Variants in PLEKHH1 observed in about 807,000 individuals in gnomAD.
PLEKHH1 encodes the protein pleckstrin homology domain-containing family H member 1.
In PLEKHH1, 104 loss-of-function variants were observed where a neutral mutation model predicts 160.0. The observed-to-expected ratio is 0.65, with a 90% CI of 0.55 to 0.76. The LOEUF (loss-of-function observed/expected upper bound fraction) is 0.76, where lower values mean the gene tolerates loss of function less well. PLEKHH1 is among the 30% of genes least tolerant of loss of function. The pLI is 0.00. For synonymous variants in PLEKHH1, 619 were observed against 678.4 expected (o/e 0.91, Z 1.36); for missense variants, 1,427 against 1,724.1 (o/e 0.83, Z 3.05).
intron 2 of PLEKHH1, among the ~76,000 whole-genome samples, chr14:67,553,968 G>A (rs2034495552): frequency 6.6e-6 from 1 of 152,174 alleles, no homozygotes; most frequent in African/African-American, 2.4e-5. Context: ...CCTGTCAGAG[G>A]GGGCCCTATC....
chr14:67,557,137 A>T (rs1171110391), intron 3 of PLEKHH1, 132 bp from the exon 4 acceptor site: 2 of 656,066 alleles, frequency 3.0e-6, no homozygotes, highest in African/African-American at 3.7e-5. Context: ...ATTGGCTCAG[A>T]CTGCCCTGGG....
intron 9 of PLEKHH1, chr14:67,571,149 A>G (rs1332985739): frequency 6.5e-6 from 1 of 152,776 alleles, no homozygotes; most frequent in African/African-American, 2.4e-5. Flanking sequence ...GAATGTTGCC[A>G]TGAACATCAC....
chr14:67,536,009 T>A (rs890470833), intron 1 of PLEKHH1, among the ~76,000 whole-genome samples: 1 of 152,228 alleles, frequency 6.6e-6, no homozygotes, highest in Non-Finnish European at 1.5e-5. Flanking sequence ...GATTATTTAG[T>A]GCCTGAGCTC....
chr14:67,560,089 CA>C (rs1168600103), intron 5 of PLEKHH1, among the ~76,000 whole-genome samples: 2 of 152,172 alleles, frequency 1.3e-5, no homozygotes, highest in Non-Finnish European at 2.9e-5. Context: ...TGTAGTGGCG[CA>C]ATCTCGGCTT....
rs754449846 is a variant in PLEKHH1 at position 67,587,139 on chromosome 14, C to T, written c.3999C>T (p.Pro1333=). ...MNHCTTTVNP[P]TNPPGACQLW... is the part of the protein sequence containing the mutation. Reference sequence around the variant, plus strand: ...ATTGCACTACAACTGTGAACCCCCCCACCAACCCACCCGGAGCCTGCCAGC... The same window carrying T: ...ATTGCACTACAACTGTGAACCCCCCTACCAACCCACCCGGAGCCTGCCAGC... The change falls in exon 29 of 29, where the codon CCC becomes CCT. Residue 1333 remains proline, a synonymous_variant. Transcript: ENST00000329153. 1.9e-6 allele frequency: 3 copies of T among 1,613,856 alleles called. No homozygotes were observed. Among genetic ancestry groups the T allele is most frequent in the South Asian group, 2.2e-5 (2 of 91,088 alleles).
intron 9 of PLEKHH1, chr14:67,570,725 C>T (rs2035331238): frequency 6.6e-6 from 1 of 152,176 alleles, no homozygotes; most frequent in African/African-American, 2.4e-5. Flanking sequence ...TTCCCTACCT[C>T]CTCCTTTTTA....
Position 67,573,526 on chromosome 14 carries a change from T to C in PLEKHH1, c.1839+140T>C. 1 of 658,502 alleles carries C rather than the reference T, an allele frequency of 1.5e-6. No individual in the cohort carries two copies. The highest frequency in any genetic ancestry group is 2.7e-5 in the East Asian group (1 of 36,852). 40.8% of individuals were successfully genotyped at this position (658,502 alleles called of 1,614,324 possible). On this transcript the variant is annotated intron_variant, in intron 12 of 28. Coordinates refer to ENST00000329153, the MANE Select transcript of PLEKHH1 (RefSeq NM_020715.3). The surrounding 1 kb of genome is among the most constrained non-coding windows in gnomAD (Gnocchi z 4.8). ...GGCAGGTGGGGAGAGGCAACCTCAC[T>C]GGGCCCCTGAGGCTTTGAGCCACAC...
rs367722684 is a variant in PLEKHH1, at chr14:67,584,132, C to T, written c.3699+8C>T. On this transcript the variant is annotated splice_region_variant and intron_variant, in intron 26 of 28. Coordinates refer to ENST00000329153, the MANE Select transcript of PLEKHH1 (RefSeq NM_020715.3). The stretch of plus-strand genomic sequence containing the variant: ...AAACTTTTTGCTGCTCAGGTAAGTG[C>T]CAGTGGAAGGAGCTGCCCACACCCT... 5 of 1,611,912 alleles carry T rather than the reference C, an allele frequency of 3.1e-6. No individual in the cohort carries two copies. Among genetic ancestry groups the T allele is most frequent in the African/African-American group, 1.3e-5 (1 of 74,880 alleles).
chr14:67,556,391 C>T (rs567620513), intron 3 of PLEKHH1, among the ~76,000 whole-genome samples: 1 of 152,348 alleles, frequency 6.6e-6, no homozygotes, highest in East Asian at 1.9e-4. Context: ...CTACCTCAGC[C>T]TCCCAAAGTG....
At chr14:67,557,834 C>A (rs1195928698) in intron 4 of PLEKHH1, among the ~76,000 whole-genome samples, 2 of 152,232 alleles carry the variant, frequency 1.3e-5, no homozygotes, top group African/African-American at 4.8e-5. Context: ...GTAAGGAGAA[C>A]TTTTCTTTCT....
intron 5 of PLEKHH1, among the ~76,000 whole-genome samples, chr14:67,561,572 A>C (rs1208301225): frequency 6.6e-6 from 1 of 152,064 alleles, no homozygotes; most frequent in African/African-American, 2.4e-5. Flanking sequence ...TCAGAAAAGA[A>C]AAGAATATGC....
Position 67,543,703 on chromosome 14 carries a change from A to G in PLEKHH1, c.126+1710A>G, listed in dbSNP as rs144629296. ...AAAAGGAAGGAAAGGATAAGTAGGG[A>G]TTGACTCAGCCAGGCAGTCTGAGAT... On this transcript the variant is annotated intron_variant, in intron 2 of 28. Transcript: ENST00000329153. Among the ~76,000 whole-genome samples the G allele has an allele frequency of 8.3e-3, 1,266 of 152,128 alleles. 28 individuals are homozygous for G. Among genetic ancestry groups the G allele is most frequent in the African/African-American group, 0.029 (1,213 of 41,474 alleles).
chr14:67,572,419 G>T (rs1163885491), intron 11 of PLEKHH1, 142 bp downstream of exon 11: 2 of 645,840 alleles, frequency 3.1e-6, no homozygotes, highest in Non-Finnish European at 5.3e-6. Flanking sequence ...GCGTGGGCTG[G>T]GGGGGTGTAC....
chr14:67,548,934 T>C (rs11158684), intron 2 of PLEKHH1, among the ~76,000 whole-genome samples: 93,288 of 152,044 alleles, frequency 0.61, 29,019 homozygotes, highest in Non-Finnish European at 0.65. Context: ...TGGTTCTGTT[T>C]ACTCCCCTTA....
At position 67,573,843 on chromosome 14, in the gene PLEKHH1, T is replaced by C. The variant is rs754442932; in HGVS notation, c.1882T>C (p.Ser628Pro). 1 of 1,613,740 alleles carries C rather than the reference T, an allele frequency of 6.2e-7. No individual in the cohort carries two copies. The highest frequency in any genetic ancestry group is 1.1e-5 in the South Asian group (1 of 91,072). ...ACCTCAAGGCCAAGTGGATCTGAAC[T>C]CCCGCTGCCAAATTGTTCGAGGGGA... ...RKPQGQVDLN[S>P]RCQIVRGEGS... Residue 628 changes from serine to proline, a missense_variant, in exon 13 of 29, where the codon TCC (serine) becomes CCC (proline). By Grantham distance (74) the Ser-to-Pro change is moderately conservative. This residue lies in a region of PLEKHH1 where 831 missense variants were observed against 929.2 expected (regional missense o/e 0.89). Coordinates refer to ENST00000329153, the MANE Select transcript of PLEKHH1 (RefSeq NM_020715.3). This position sits in a 1 kb window ranked among gnomAD's most constrained non-coding sequence, Gnocchi z 4.8.
rs770246652 is a variant in PLEKHH1, at chr14:67,584,125, G to GT, written c.3699+2dup. ...TGGTGCTAAACTTTTTGCTGCTCAG[G>GT]TAAGTGCCAGTGGAAGGAGCTGCCC... On this transcript the variant is annotated splice_donor_variant, in intron 26 of 28. Transcript: ENST00000329153. LOFTEE classifies it high-confidence loss of function. 6.2e-7 allele frequency: 1 copy of GT among 1,612,658 alleles called. No individual in the cohort carries two copies. Among genetic ancestry groups the GT allele is most frequent in the South Asian group, 1.1e-5 (1 of 91,036 alleles).
chr14:67,582,426 A>G lies in PLEKHH1; in HGVS notation c.3426+216A>G, dbSNP rs151298783. Reference sequence around the variant, plus strand: ...GTGCAGATGGCTGGACTTGGAATCCAGAGACCTGGGTTTGAGTCCTATATA... The same window carrying G: ...GTGCAGATGGCTGGACTTGGAATCCGGAGACCTGGGTTTGAGTCCTATATA... On this transcript the variant is annotated intron_variant, in intron 24 of 28. Coordinates refer to ENST00000329153, the MANE Select transcript of PLEKHH1 (RefSeq NM_020715.3). This position sits in a 1 kb window ranked among gnomAD's most constrained non-coding sequence, Gnocchi z 5.0. Among the ~76,000 whole-genome samples the G allele has an allele frequency of 5.3e-5, 8 of 152,308 alleles. No homozygotes were observed. The highest frequency in any genetic ancestry group is 3.4e-3 in the Middle Eastern group (1 of 294).
intron 1 of PLEKHH1, among the ~76,000 whole-genome samples, chr14:67,538,737 C>G (rs913075988): frequency 4.6e-5 from 7 of 152,156 alleles, no homozygotes; most frequent in African/African-American, 1.4e-4. Flanking sequence ...TCCTCAGCAA[C>G]TTGCCAGGGA....
chr14:67,578,295 AG>A lies in PLEKHH1; in HGVS notation c.2751+97del. 2 of 1,101,978 alleles carry A rather than the reference AG, an allele frequency of 1.8e-6. No homozygotes were observed. The highest frequency in any genetic ancestry group is 1.5e-5 in the African/African-American group (1 of 65,414). 68.3% of individuals were successfully genotyped at this position (1,101,978 alleles called of 1,614,324 possible). ...GAGGTGACTGGGCAGGTATACGGTG[AG>A]CCCAGCCAGCGGGCAGCCTCTGTGC... On this transcript the variant is annotated intron_variant, in intron 19 of 28. Transcript: ENST00000329153. The surrounding 1 kb of genome is among the most constrained non-coding windows in gnomAD (Gnocchi z 5.0).
Sources: allele counts gnomAD v4.1 joint callset (sites outside exome capture counted in the v4.1 genomes callset), GRCh38; gene constraint gnomAD v4.1.1; regional missense constraint gnomAD v4.1.1; non-coding constraint Gnocchi (gnomAD v3.1); transcripts MANE v1.5; gene names NCBI Gene and HGNC (gene_info 2026-07-23, HGNC 2026-07-21).